AIFM3: variants seen among roughly 807,000 people sequenced by gnomAD.
AIFM3 encodes the protein apoptosis-inducing factor 3.
Under a neutral mutation model 82.7 loss-of-function variants are expected in AIFM3, and 71 were observed. The ratio of observed to expected loss-of-function variants is 0.86; its 90% confidence interval spans 0.71 to 1.05. The LOEUF (loss-of-function observed/expected upper bound fraction) is 1.05. Ranked by LOEUF, AIFM3 falls within the 50% of genes least tolerant of loss-of-function variation. The pLI is 0.00. For synonymous variants in AIFM3, 337 were observed against 329.1 expected (o/e 1.02, Z -0.26); for missense variants, 748 against 816.7 (o/e 0.92, Z 1.03).
rs767000408 is a variant in AIFM3 at position 20,976,851 on chromosome 22, C to T, written c.1147-16C>T. The T allele has an allele frequency of 8.2e-6, 13 of 1,595,076 alleles. No homozygotes were observed. Among genetic ancestry groups the T allele is most frequent in the Admixed American group, 5.1e-5 (3 of 58,406 alleles). ...GGGCTCTCATCCACCGCCCACCTGC[C>T]CACTTGCCCTGACAGATGTTTGAGA... On this transcript the variant is annotated splice_polypyrimidine_tract_variant and intron_variant, in intron 12 of 20. Coordinates refer to ENST00000440238, the MANE Select transcript of AIFM3 (RefSeq NM_001386814.1).
intron 8 of AIFM3, among the ~76,000 whole-genome samples, 199 bp downstream of exon 8, chr22:20,975,015 T>C (rs1211105978): frequency 6.6e-6 from 1 of 152,210 alleles, no homozygotes; most frequent in Admixed American, 6.5e-5. Flanking sequence ...CAGGCTGGGA[T>C]GCAGTGGCGC....
Position 20,973,134 on chromosome 22 carries a change from G to A in AIFM3, c.32-173G>A, listed in dbSNP as rs922545309. ...CCCATCCATGCCCCTCCGCTGCTTC[G>A]TGCCAGGTTTAAGGCTCTTTGCTGG... On this transcript the variant is annotated intron_variant, in intron 2 of 20. Coordinates refer to ENST00000440238, the MANE Select transcript of AIFM3 (RefSeq NM_001386814.1). Among the ~76,000 whole-genome samples, 7 of 152,120 alleles carry A rather than the reference G, an allele frequency of 4.6e-5. 1 individual carries two copies. Among genetic ancestry groups the A allele is most frequent in the South Asian group, 4.1e-4 (2 of 4,826 alleles).
Position 20,974,775 on chromosome 22 carries a change from C to A in AIFM3, c.679C>A (p.Leu227Ile), listed in dbSNP as rs761497799. 37 of 1,613,296 alleles carry A rather than the reference C, an allele frequency of 2.3e-5. No homozygotes were observed. The South Asian group carries it at 3.5e-4, about 15-fold the overall frequency. Residue 227 changes from leucine to isoleucine, a missense_variant, in exon 8 of 21, where the codon CTA (leucine) becomes ATA (isoleucine). Coordinates refer to ENST00000440238, the MANE Select transcript of AIFM3 (RefSeq NM_001386814.1). ...GFSDRIVLCT[L>I]DRHLPYDRPK... ...CTCCGACCGGATCGTCCTGTGCACG[C>A]TAGACCGGCACCTTCCCTACGACCG...
chr22:20,973,544 GC>G (rs1259181819), intron 3 of AIFM3, 24 bp downstream of exon 3: 3 of 1,598,882 alleles, frequency 1.9e-6, no homozygotes, highest in African/African-American at 2.7e-5. Context: ...TTGCCTGGGA[GC>G]GGGGATCAGG....
chr22:20,968,039 C>T (rs1017259830), intron 2 of AIFM3, 64 bp downstream of exon 2: 2 of 1,318,972 alleles, frequency 1.5e-6, no homozygotes, highest in Non-Finnish European at 2.0e-6. Flanking sequence ...CCCCCGTCTC[C>T]CCCCCCTCCC....
In AIFM3 at chr22:20,976,257, G is replaced by C. The variant is rs781123102; in HGVS notation, c.850G>C (p.Asp284His). Residue 284 changes from aspartate (D) to histidine (H), a missense_variant, in exon 10 of 21, where the codon GAT becomes CAT. By Grantham distance (81) the Asp-to-His change is moderately conservative. Coordinates refer to ENST00000440238, the MANE Select transcript of AIFM3 (RefSeq NM_001386814.1). ...DVRTKKVVFK[D>H]GFKLEYSKLL... ...GAGAACTAAGAAGGTCGTGTTCAAG[G>C]ATGGCTTCAAGCTGGAGTACAGCAA... 1.9e-6 allele frequency: 3 copies of C among 1,614,072 alleles called. No homozygotes were observed. In the Admixed American group the frequency reaches 5.0e-5, roughly 27 times the overall value.
chr22:20,977,964 G>T lies in AIFM3; in HGVS notation c.1436G>T (p.Arg479Leu), dbSNP rs747011410. ...TTCCCCCTTGCCTGGAGGAACAACC[G>T]CAAAGTGAACATTCCACATTGGCAG... The part of the protein sequence containing the change: ...VTFPLAWRNN[R>L]KVNIPHWQMA... Residue 479 changes from arginine (R) to leucine (L), a missense_variant, in exon 16 of 21, where the codon CGC (arginine) becomes CTC (leucine). Transcript: ENST00000440238. 4 of 1,614,036 alleles carry T rather than the reference G, an allele frequency of 2.5e-6. No individual in the cohort carries two copies. The highest frequency in any genetic ancestry group is 3.4e-6 in the Non-Finnish European group (4 of 1,180,024).
intron 5 of AIFM3, 22 bp from the exon 6 acceptor site, chr22:20,974,230 C>T: frequency 6.2e-7 from 1 of 1,613,820 alleles, no homozygotes; most frequent in South Asian, 1.1e-5. Flanking sequence ...GGGGCTGGTC[C>T]TGAGCAATGC....
rs1345804000 is a variant in AIFM3, at chr22:20,979,308, G to A, written c.1515G>A (p.Ala505=). 1.2e-5 allele frequency: 19 copies of A among 1,560,814 alleles called. No homozygotes were observed. Among genetic ancestry groups the A allele is most frequent in the Non-Finnish European group, 2.6e-6 (3 of 1,152,114 alleles). The part of the protein sequence containing the change: ...VAAQNMLAQE[A]EMSTVPYLWT... ...CCCAGAACATGTTGGCGCAGGAGGCGGAGATGAGCACTGTGCCCTACCTCT... is the reference window on the plus strand; with the variant it reads ...CCCAGAACATGTTGGCGCAGGAGGCAGAGATGAGCACTGTGCCCTACCTCT... Residue 505 remains alanine (A), a synonymous_variant, in exon 17 of 21, where the codon GCG becomes GCA. Coordinates refer to ENST00000440238, the MANE Select transcript of AIFM3 (RefSeq NM_001386814.1).
In AIFM3 at chr22:20,974,796, G is replaced by A. The variant is rs748492260; in HGVS notation, c.700G>A (p.Asp234Asn). 2.3e-5 allele frequency: 37 copies of A among 1,612,534 alleles called. No individual in the cohort carries two copies. The highest frequency in any genetic ancestry group is 2.9e-5 in the Non-Finnish European group (34 of 1,179,860). ...CACGCTAGACCGGCACCTTCCCTAC[G>A]ACCGTCCCAAGCTCAGCAAGGTACA... Reference protein sequence around the residue: ...LCTLDRHLPYDRPKLSKSLDT... With the variant: ...LCTLDRHLPYNRPKLSKSLDT... The change falls in exon 8 of 21, where the codon GAC becomes AAC. Residue 234 changes from aspartate to asparagine, a missense_variant. This residue lies in a region of AIFM3 where 393 missense variants were observed against 481.1 expected (regional missense o/e 0.82). Transcript: ENST00000440238.
chr22:20,970,404 C>T (rs1459391305), intron 2 of AIFM3, among the ~76,000 whole-genome samples: 2 of 152,130 alleles, frequency 1.3e-5, no homozygotes, highest in African/African-American at 2.4e-5. Flanking sequence ...CTCCCACCTC[C>T]TGAGTAGCAG....
At chr22:20,973,169 G>A (rs1242872733) in intron 2 of AIFM3, 138 bp from the exon 3 acceptor site, 2 of 981,494 alleles carry the variant, frequency 2.0e-6, no homozygotes, top group African/African-American at 3.2e-5. Flanking sequence ...GGCTGGTGGT[G>A]CAGAGGGAAT....
At chr22:20,977,679 C>T in intron 14 of AIFM3, 21 bp from the exon 15 acceptor site, 4 of 1,613,578 alleles carry the variant, frequency 2.5e-6, no homozygotes, top group Non-Finnish European at 3.4e-6. Context: ...GGGGAGTGGA[C>T]ACAGGCTTCC....
chr22:20,977,531 G>A (rs1923766753), intron 14 of AIFM3, 169 bp from the exon 15 acceptor site: 1 of 741,968 alleles, frequency 1.3e-6, no homozygotes, highest in Non-Finnish European at 2.3e-6. Flanking sequence ...GGAGGCACCG[G>A]GTCTGTGGGA....
chr22:20,977,220 A>ACC (rs11394603), intron 14 of AIFM3, 125 bp downstream of exon 14: 8 of 1,357,688 alleles, frequency 5.9e-6, no homozygotes, highest in African/African-American at 1.4e-5. Flanking sequence ...TCAAATGGGA[A>ACC]CCCCCAACCG....
chr22:20,970,068 G>A (rs1923174957), intron 2 of AIFM3, among the ~76,000 whole-genome samples: 1 of 152,194 alleles, frequency 6.6e-6, no homozygotes, highest in Non-Finnish European at 1.5e-5. Context: ...AGAGCTAGGA[G>A]GAAGTGCAGC....
rs142889178 is a variant in AIFM3 at position 20,975,709 on chromosome 22, T to C, written c.738T>C (p.Pro246=). The change falls in exon 9 of 21, where the codon CCT becomes CCC. Residue 246 remains proline (P), a synonymous_variant. Transcript: ENST00000440238. ...CCCTGCAGTCCCTGGACACACAGCC[T>C]GAGCAGCTGGCCCTGAGGCCCAAGG... is the stretch of plus-strand genomic sequence containing the variant. ...PKLSKSLDTQ[P]EQLALRPKEF... 3 of 1,613,664 alleles carry C rather than the reference T, an allele frequency of 1.9e-6. No individual in the cohort carries two copies. The highest frequency in any genetic ancestry group is 1.7e-6 in the Non-Finnish European group (2 of 1,180,008).
Position 20,967,851 on chromosome 22 carries a change from C to A in AIFM3, c.-94C>A. 7.1e-7 allele frequency: 1 copy of A among 1,402,794 alleles called. No homozygotes were observed. The highest frequency in any genetic ancestry group is 1.0e-6 in the Non-Finnish European group (1 of 991,306). The allele number at this position is 1,402,794 out of a possible 1,614,324, so 86.9% of individuals were successfully genotyped here. A position where few individuals can be genotyped will look rare whatever the true frequency, so the allele number is the denominator to read the frequency against. On this transcript the variant is annotated 5_prime_UTR_variant, in exon 2 of 21. Transcript: ENST00000440238. ...GATGGCGGCTCCAGCGTCTCTAAGGCCTGCAGGGGGTCCAGCCCCATGGGG... is the reference window on the plus strand; with the variant it reads ...GATGGCGGCTCCAGCGTCTCTAAGGACTGCAGGGGGTCCAGCCCCATGGGG...
chr22:20,980,467 G>A, intron 19 of AIFM3: 2 of 599,242 alleles, frequency 3.3e-6, no homozygotes, highest in East Asian at 2.8e-5. Context: ...GGTGGGAAAT[G>A]CAGCTACTGA....
Sources: allele counts gnomAD v4.1 joint callset (sites outside exome capture counted in the v4.1 genomes callset), GRCh38; gene constraint gnomAD v4.1.1; regional missense constraint gnomAD v4.1.1; transcripts MANE v1.5; gene names NCBI Gene and HGNC (gene_info 2026-07-23, HGNC 2026-07-21).